Variants in PKHD1 observed in about 807,000 individuals in gnomAD.
The protein encoded by PKHD1 is PKHD1 ciliary IPT domain containing fibrocystin/polyductin, also known as fibrocystin.
In PKHD1, 291 loss-of-function variants were observed where a neutral mutation model predicts 412.0. The observed-to-expected ratio is 0.71, with a 90% CI of 0.64 to 0.78. The LOEUF (loss-of-function observed/expected upper bound fraction) is 0.78. Among genes scored for constraint, PKHD1 ranks in the 30% least tolerant of loss-of-function variants. The pLI, the probability that PKHD1 is intolerant of heterozygous loss-of-function variation, is 0.00. For synonymous variants in PKHD1, 1,777 were observed against 1,821.5 expected (o/e 0.98, Z 0.62); for missense variants, 4,825 against 4,950.7 (o/e 0.97, Z 0.76).
chr6:51,629,279 C>T (rs1039722754), intron 65 of PKHD1, among the ~76,000 whole-genome samples: 2 of 151,994 alleles, frequency 1.3e-5, no homozygotes, highest in African/African-American at 4.8e-5. Context: ...AAACAAACAA[C>T]CTACAGAATG....
chr6:51,844,966 AC>A (rs1406617892), intron 50 of PKHD1, among the ~76,000 whole-genome samples: 7 of 152,374 alleles, frequency 4.6e-5, no homozygotes, highest in African/African-American at 1.7e-4. Flanking sequence ...GTCTTGACTT[AC>A]ACCATCTGCA....
intron 61 of PKHD1, among the ~76,000 whole-genome samples, chr6:51,650,986 C>T (rs201776171): frequency 5.9e-5 from 9 of 152,114 alleles, no homozygotes; most frequent in African/African-American, 1.7e-4. Flanking sequence ...TCTCCCCTAA[C>T]CTTTTCCTTA....
In PKHD1 at chr6:52,082,378, C is replaced by A. The variant is rs1454864531; in HGVS notation, c.281+14G>T. The A allele has an allele frequency of 6.2e-7, 1 of 1,613,678 alleles. No individual in the cohort carries two copies. The highest frequency in any genetic ancestry group is 8.5e-7 in the Non-Finnish European group (1 of 1,179,748). On this transcript the variant is annotated intron_variant, in intron 4 of 66. Transcript: ENST00000371117. Reference sequence around the variant, plus strand: ...CTCATCCTGTCTGGTCTTCCTATTCCCAGACAGGTATACCTGGTCCGGCAT... The same window carrying A: ...CTCATCCTGTCTGGTCTTCCTATTCACAGACAGGTATACCTGGTCCGGCAT...
chr6:52,045,366 T>C (rs1305395973), intron 24 of PKHD1, among the ~76,000 whole-genome samples: 1 of 152,234 alleles, frequency 6.6e-6, no homozygotes, highest in Non-Finnish European at 1.5e-5. Flanking sequence ...TGCTTCTCCA[T>C]GCTTTTCCAT....
chr6:52,043,553 T>C lies in PKHD1; in HGVS notation c.2821+72A>G. On this transcript the variant is annotated intron_variant, in intron 26 of 66. Coordinates refer to ENST00000371117, the MANE Select transcript of PKHD1 (RefSeq NM_138694.4). The stretch of plus-strand genomic sequence containing the variant: ...TATCTTCTACCCACCCATCACCAGC[T>C]ACATGGCCTCTAACAAAATCACTGC... 6.8e-6 allele frequency: 7 copies of C among 1,023,820 alleles called. No individual in the cohort carries two copies. The South Asian group carries it at 9.0e-5, about 13-fold the overall frequency. 63.4% of individuals were successfully genotyped at this position (1,023,820 alleles called of 1,614,324 possible).
At chr6:51,751,371 C>A (rs1786087269) in intron 57 of PKHD1, among the ~76,000 whole-genome samples, 1 of 151,962 alleles carries the variant, frequency 6.6e-6, no homozygotes, top group Admixed American at 6.6e-5. Context: ...AGGGTATAAA[C>A]CTGAATTGAA....
chr6:51,867,035 G>T (rs1344115294), intron 48 of PKHD1, among the ~76,000 whole-genome samples: 1 of 152,100 alleles, frequency 6.6e-6, no homozygotes, highest in African/African-American at 2.4e-5. Context: ...AAAATACAGA[G>T]TTAGTGCAAT....
chr6:51,913,306 T>C (rs186728918), intron 37 of PKHD1, among the ~76,000 whole-genome samples: 3 of 152,204 alleles, frequency 2.0e-5, no homozygotes, highest in East Asian at 1.9e-4. Context: ...CTATCTAACA[T>C]AGGACTGCTA....
intron 64 of PKHD1, among the ~76,000 whole-genome samples, chr6:51,637,026 C>T (rs1419181624): frequency 6.6e-6 from 1 of 152,170 alleles, no homozygotes; most frequent in African/African-American, 2.4e-5. Flanking sequence ...TACAATAAAG[C>T]AGTAGTCTAC....
intron 52 of PKHD1, among the ~76,000 whole-genome samples, chr6:51,829,170 C>G (rs185215437): frequency 1.3e-5 from 2 of 152,126 alleles, no homozygotes; most frequent in African/African-American, 4.8e-5. Flanking sequence ...TCCTTTCCCC[C>G]ACCCAGCATT....
At chr6:51,651,920 G>A (rs1318602300) in intron 61 of PKHD1, among the ~76,000 whole-genome samples, 1 of 152,136 alleles carries the variant, frequency 6.6e-6, no homozygotes, top group East Asian at 1.9e-4. Context: ...GCTGGCCCCA[G>A]TGGGGTCGTC....
In PKHD1 at chr6:51,748,644, A is replaced by G; in HGVS notation, c.8972T>C (p.Val2991Ala). ...TGGTGACCCGAAGTTCTGAATTTCC[A>G]CATTAAGAAGTTGAAGGACACCTAT... The part of the protein sequence containing the change: ...EFSGVLQLLN[V>A]EIQNFGSPLY... Residue 2991 changes from valine to alanine, a missense_variant, in exon 58 of 67, where the codon GTG becomes GCG. By Grantham distance (64) the Val-to-Ala change is moderately conservative. Coordinates refer to ENST00000371117, the MANE Select transcript of PKHD1 (RefSeq NM_138694.4). 6.2e-7 allele frequency: 1 copy of G among 1,613,836 alleles called. No homozygotes were observed. The highest frequency in any genetic ancestry group is 8.5e-7 in the Non-Finnish European group (1 of 1,179,834).
At chr6:51,686,890 C>A (rs1325693587) in intron 60 of PKHD1, among the ~76,000 whole-genome samples, 2 of 152,106 alleles carry the variant, frequency 1.3e-5, no homozygotes, top group African/African-American at 4.8e-5. Context: ...TTGAAATCTA[C>A]AAGGACAACT....
intron 61 of PKHD1, 142 bp downstream of exon 61, chr6:51,658,810 A>G: frequency 1.5e-6 from 1 of 652,140 alleles, no homozygotes; most frequent in Non-Finnish European, 2.7e-6. Flanking sequence ...AAGTCTTTAA[A>G]TGACTCTTTG....
At chr6:51,642,767 G>A (rs921355365) in intron 63 of PKHD1, among the ~76,000 whole-genome samples, 1 of 152,146 alleles carries the variant, frequency 6.6e-6, no homozygotes, top group Non-Finnish European at 1.5e-5. Context: ...TTGAACCCGG[G>A]AGGCAGAGGT....
rs188442748 is a variant in PKHD1 at position 51,758,954 on chromosome 6, T to C, written c.8643-4016A>G. ...TAACTTAATACTTGTAAGATCTTAATGATAATAACTGCATTTGACCACAGG... is the reference window on the plus strand; with the variant it reads ...TAACTTAATACTTGTAAGATCTTAACGATAATAACTGCATTTGACCACAGG... On this transcript the variant is annotated intron_variant, in intron 55 of 66. Coordinates refer to ENST00000371117, the MANE Select transcript of PKHD1 (RefSeq NM_138694.4). Among the ~76,000 whole-genome samples, 417 of 152,336 alleles carry C rather than the reference T, an allele frequency of 2.7e-3. 1 individual carries two copies. Among genetic ancestry groups the C allele is most frequent in the Non-Finnish European group, 4.6e-3 (315 of 68,034 alleles).
At chr6:52,071,903 G>C (rs1810665267) in intron 8 of PKHD1, among the ~76,000 whole-genome samples, 1 of 152,120 alleles carries the variant, frequency 6.6e-6, no homozygotes, top group African/African-American at 2.4e-5. Flanking sequence ...TTCAAGGAAG[G>C]TTTTGGCATC....
intron 35 of PKHD1, among the ~76,000 whole-genome samples, chr6:51,982,855 A>AAAATAAAAT (rs1554177177): frequency 2.4e-3 from 302 of 126,024 alleles, no homozygotes; most frequent in Non-Finnish European, 2.3e-3. Context: ...ATAAAAAAAT[A>AAAATAAAAT]AAAATAAAAT....
At chr6:52,022,629 T>C (rs954049659) in intron 33 of PKHD1, among the ~76,000 whole-genome samples, 172 bp downstream of exon 33, 1 of 152,180 alleles carries the variant, frequency 6.6e-6, no homozygotes, top group Non-Finnish European at 1.5e-5. Flanking sequence ...TTTTAACAGG[T>C]GGCCTCAGAT....
Sources: gnomAD v4.1 joint callset for allele counts (sites outside exome capture counted in the v4.1 genomes callset) on GRCh38, gnomAD v4.1.1 for gene constraint, MANE v1.5 for transcripts, NCBI Gene and HGNC (gene_info 2026-07-23, HGNC 2026-07-21) for gene names.